The following LAMC1 variants were observed in gnomAD, a reference collection of about 807,000 sequenced individuals.
LAMC1 encodes the protein laminin subunit gamma 1, also known as laminin subunit gamma-1.
A neutral mutation model predicts 173.6 loss-of-function variants in LAMC1; 38 were observed. That is an observed-to-expected ratio of 0.22 (90% confidence interval 0.17 to 0.29). The LOEUF (loss-of-function observed/expected upper bound fraction) is 0.29. LAMC1 is among the 10% of genes least tolerant of loss of function. LAMC1 has a pLI of 1.00. For missense variants in LAMC1, 1,824 were observed against 2,051.8 expected, an observed-to-expected ratio of 0.89 and a Z score of 2.14; for synonymous variants, 746 against 749.1, an observed-to-expected ratio of 1.00 and a Z score of 0.07.
intron 1 of LAMC1, among the ~76,000 whole-genome samples, chr1:183,102,767 A>G (rs1029794199): frequency 2.0e-5 from 3 of 151,216 alleles, no homozygotes; most frequent in African/African-American, 4.9e-5. Flanking sequence ...TTCTTATTCT[A>G]CTCCCTGCTA....
chr1:183,033,462 A>G (rs943074185), intron 1 of LAMC1, among the ~76,000 whole-genome samples: 1 of 152,206 alleles, frequency 6.6e-6, no homozygotes, highest in Non-Finnish European at 1.5e-5. Context: ...GCAGGTTTAG[A>G]GAATTCTTTA....
At chr1:183,074,617 G>C (rs751138138) in intron 1 of LAMC1, among the ~76,000 whole-genome samples, 1 of 152,224 alleles carries the variant, frequency 6.6e-6, no homozygotes, top group Non-Finnish European at 1.5e-5. Flanking sequence ...TATAAAGGAA[G>C]AGGAGGCTAA....
intron 1 of LAMC1, among the ~76,000 whole-genome samples, chr1:183,070,661 G>A (rs933594746): frequency 2.0e-5 from 3 of 151,960 alleles, no homozygotes; most frequent in African/African-American, 7.3e-5. Flanking sequence ...TTTTTATTTG[G>A]GGCTTAAGGA....
At chr1:183,125,019 C>T in intron 14 of LAMC1, 143 bp downstream of exon 14, 1 of 1,105,514 alleles carries the variant, frequency 9.0e-7, no homozygotes, top group Non-Finnish European at 1.3e-6. Flanking sequence ...ATTTTCTAGT[C>T]ACCACATTAA....
At chr1:183,058,393 A>G (rs138206773) in intron 1 of LAMC1, among the ~76,000 whole-genome samples, 193 of 152,296 alleles carry the variant, frequency 1.3e-3, no homozygotes, top group African/African-American at 3.9e-3. Flanking sequence ...GGTTATTTCA[A>G]TTTGCTTGGC....
chr1:183,135,197 C>A, intron 24 of LAMC1, 41 bp downstream of exon 24: 2 of 1,212,802 alleles, frequency 1.6e-6, no homozygotes, highest in Non-Finnish European at 2.4e-6. Flanking sequence ...GCTTCCGCCA[C>A]TAGAGTGATT....
At chr1:183,068,250 G>T (rs143314218) in intron 1 of LAMC1, among the ~76,000 whole-genome samples, 60 of 152,080 alleles carry the variant, frequency 3.9e-4, no homozygotes, top group African/African-American at 1.4e-3. Context: ...TTTTGTGTGT[G>T]TATGTGTGTG....
chr1:183,128,935 G>A (rs546937052), intron 18 of LAMC1, 185 bp downstream of exon 18: 3 of 372,478 alleles, frequency 8.1e-6, no homozygotes, highest in African/African-American at 6.1e-5. Flanking sequence ...ACTGCTTTAA[G>A]CTACAGTAAG....
intron 1 of LAMC1, among the ~76,000 whole-genome samples, chr1:183,093,626 G>T (rs971932466): frequency 6.6e-6 from 1 of 152,052 alleles, no homozygotes; most frequent in African/African-American, 2.4e-5. Flanking sequence ...CTCTCTTGCT[G>T]CAGCCTTTTC....
Position 183,124,741 on chromosome 1 carries a change from G to A in LAMC1, c.2512G>A (p.Ala838Thr), listed in dbSNP as rs1430126507. ...GTGCAGTGACAACATCGATCCCAAT[G>A]CAGTTGGAAATTGCAATCGCTTGAC... ...CQCSDNIDPN[A>T]VGNCNRLTGE... is the part of the protein sequence containing the mutation. Residue 838 changes from alanine to threonine, a missense_variant, in exon 14 of 28, where the codon GCA becomes ACA. Ala to Thr is a moderately conservative substitution (Grantham distance 58, BLOSUM62 0). Coordinates refer to ENST00000258341, the MANE Select transcript of LAMC1 (RefSeq NM_002293.4). 9.3e-6 allele frequency: 15 copies of A among 1,614,180 alleles called. No individual in the cohort carries two copies. The highest frequency in any genetic ancestry group is 1.2e-5 in the Non-Finnish European group (14 of 1,180,032).
intron 1 of LAMC1, 42 bp downstream of exon 1, chr1:183,024,176 A>G: frequency 6.7e-7 from 1 of 1,499,236 alleles, no homozygotes; most frequent in Non-Finnish European, 8.9e-7. Context: ...GCTCGCCAGC[A>G]GCCCAGCTCC....
At chr1:183,079,207 A>C (rs1655197055) in intron 1 of LAMC1, among the ~76,000 whole-genome samples, 1 of 136,342 alleles carries the variant, frequency 7.3e-6, no homozygotes, top group Admixed American at 7.6e-5. Flanking sequence ...TCTGCTTATC[A>C]AGCAACTTTC....
Position 183,144,918 on chromosome 1 carries a change from G to A in LAMC1, c.*2128G>A, listed in dbSNP as rs539509223. The A allele has an allele frequency of 2.0e-5, 3 of 152,242 alleles. No homozygotes were observed. Among genetic ancestry groups the A allele is most frequent in the Admixed American group, 6.5e-5 (1 of 15,292 alleles). 9.4% of individuals were successfully genotyped at this position (152,242 alleles called of 1,614,324 possible). ...CAGAGTTTACCACAAGTGTTTTGAC[G>A]ATATACTCCTGAGCTTTCACTCTGC... On this transcript the variant is annotated 3_prime_UTR_variant, in exon 28 of 28. Coordinates refer to ENST00000258341, the MANE Select transcript of LAMC1 (RefSeq NM_002293.4).
intron 1 of LAMC1, among the ~76,000 whole-genome samples, chr1:183,102,053 C>A (rs1571440538): frequency 1.3e-5 from 2 of 152,212 alleles, no homozygotes; most frequent in East Asian, 3.8e-4. Context: ...CCACCCCACA[C>A]AGAGGCAGAG....
intron 2 of LAMC1, among the ~76,000 whole-genome samples, chr1:183,104,354 A>G (rs528381604): frequency 1.6e-4 from 25 of 152,266 alleles, no homozygotes; most frequent in Middle Eastern, 3.4e-3. Flanking sequence ...GAATTCTTCT[A>G]TGTTGCTCAT....
At chr1:183,140,339 GA>G (rs1268774127) in intron 26 of LAMC1, 64 bp from the exon 27 acceptor site, 8 of 959,202 alleles carry the variant, frequency 8.3e-6, no homozygotes, top group East Asian at 3.0e-5. Context: ...GGGTCATTGG[GA>G]AAAAAGATTT....
chr1:183,108,279 T>C lies in LAMC1; in HGVS notation c.727T>C (p.Trp243Arg), dbSNP rs764936913. The change falls in exon 3 of 28, where the codon TGG (tryptophan) becomes CGG (arginine). Residue 243 changes from tryptophan (W) to arginine (R), a missense_variant. Coordinates refer to ENST00000258341, the MANE Select transcript of LAMC1 (RefSeq NM_002293.4). ...NFDNSPVLQEWVTATDIRVTL... is the reference protein window; with the variant it reads ...NFDNSPVLQERVTATDIRVTL... The stretch of plus-strand genomic sequence containing the variant: ...TTCTATTTTTGCTTCCTGACAGGAA[T>C]GGGTAACTGCCACTGACATCAGAGT... 7.4e-6 allele frequency: 12 copies of C among 1,612,994 alleles called. No homozygotes were observed. The highest frequency in any genetic ancestry group is 1.0e-5 in the Non-Finnish European group (12 of 1,179,378).
chr1:183,135,488 TAGAAG>T (rs1413517080), intron 24 of LAMC1, among the ~76,000 whole-genome samples: 1 of 152,084 alleles, frequency 6.6e-6, no homozygotes, highest in Non-Finnish European at 1.5e-5. Flanking sequence ...TCACCCCAGA[TAGAAG>T]AGAAATGTGA....
chr1:183,078,071 A>G (rs534066756), intron 1 of LAMC1, among the ~76,000 whole-genome samples: 1 of 152,238 alleles, frequency 6.6e-6, no homozygotes, highest in East Asian at 1.9e-4. Flanking sequence ...TGGTTCAGAA[A>G]GATTACTCCC....
Sources: gnomAD v4.1 joint callset for allele counts (sites outside exome capture counted in the v4.1 genomes callset) on GRCh38, gnomAD v4.1.1 for gene constraint, MANE v1.5 for transcripts, NCBI Gene and HGNC (gene_info 2026-07-23, HGNC 2026-07-21) for gene names.